Variants in ACAP2 observed in about 807,000 individuals in gnomAD.
The protein encoded by ACAP2 is arf-GAP with coiled-coil, ANK repeat and PH domain-containing protein 2.
ACAP2 carries 39 observed loss-of-function variants against 115.8 expected under a neutral mutation model. The ratio of observed to expected loss-of-function variants is 0.34; its 90% CI spans 0.26 to 0.44. The LOEUF is 0.44. Among genes scored for constraint, ACAP2 ranks in the 20% least tolerant of loss-of-function variants. ACAP2 has a pLI of 1.00. For missense variants in ACAP2, 662 were observed against 927.6 expected, an observed-to-expected ratio of 0.71 and a Z score of 3.72; for synonymous variants, 289 against 315.8, an observed-to-expected ratio of 0.92 and a Z score of 0.90.
chr3:195,401,723 G>GTA (rs1712317147), intron 1 of ACAP2, among the ~76,000 whole-genome samples: 1 of 152,132 alleles, frequency 6.6e-6, no homozygotes, highest in African/African-American at 2.4e-5. Flanking sequence ...AAAGCATTGA[G>GTA]TACATAAGCA....
intron 4 of ACAP2, among the ~76,000 whole-genome samples, chr3:195,366,152 C>A (rs1435513693): frequency 6.6e-6 from 1 of 152,116 alleles, no homozygotes; most frequent in Non-Finnish European, 1.5e-5. Context: ...GCCCTTCTAC[C>A]TGTACTAATT....
At chr3:195,321,912 G>T (rs754265156) in intron 9 of ACAP2, among the ~76,000 whole-genome samples, 3 of 151,998 alleles carry the variant, frequency 2.0e-5, no homozygotes, top group African/African-American at 7.2e-5. Context: ...TGAGCCCAGG[G>T]GTGGTAGTCC....
intron 8 of ACAP2, among the ~76,000 whole-genome samples, chr3:195,330,435 A>AT (rs1730092104): frequency 1.3e-5 from 2 of 152,330 alleles, no homozygotes; most frequent in South Asian, 4.1e-4. Context: ...AACTAAAATG[A>AT]TTAAATGTTT....
At position 195,385,235 on chromosome 3, in the gene ACAP2, A is replaced by G. The variant is rs1255507660; in HGVS notation, c.112-3213T>C. On this transcript the variant is annotated intron_variant, in intron 2 of 22. Transcript: ENST00000326793. ...TGAGACCAGCCTGGTCAACAACCCT[A>G]TCTCTGTATTCAAAAAAAAAAAAAA... Among the ~76,000 whole-genome samples the G allele has an allele frequency of 3.4e-5, 5 of 148,352 alleles. No homozygotes were observed. In the South Asian group the frequency reaches 1.1e-3, roughly 32 times the overall value.
At chr3:195,358,469 C>T (rs1732134461) in intron 4 of ACAP2, among the ~76,000 whole-genome samples, 1 of 151,964 alleles carries the variant, frequency 6.6e-6, no homozygotes, top group Admixed American at 6.6e-5. Context: ...TCTGAGGAAA[C>T]TCAAAGAAAT....
chr3:195,308,955 G>A, intron 10 of ACAP2, 118 bp from the exon 11 acceptor site: 2 of 955,412 alleles, frequency 2.1e-6, no homozygotes, highest in Non-Finnish European at 3.1e-6. Context: ...GTTTTGAGAA[G>A]TCCACTGTAT....
intron 4 of ACAP2, among the ~76,000 whole-genome samples, chr3:195,373,204 T>C (rs756593380): frequency 3.3e-5 from 5 of 151,792 alleles, no homozygotes; most frequent in Admixed American, 6.6e-5. Flanking sequence ...TGTGGGAGGA[T>C]TGCTTGAGCC....
intron 1 of ACAP2, among the ~76,000 whole-genome samples, chr3:195,397,142 T>C (rs773204453): frequency 6.6e-6 from 1 of 152,252 alleles, no homozygotes; most frequent in Non-Finnish European, 1.5e-5. Flanking sequence ...TTTTGTTTTA[T>C]ATAATACATG....
intron 18 of ACAP2, among the ~76,000 whole-genome samples, chr3:195,293,848 T>C (rs1288902085): frequency 1.3e-5 from 2 of 151,434 alleles, no homozygotes; most frequent in Admixed American, 6.6e-5. Flanking sequence ...AAAAATAAAA[T>C]GTAGGGCAGC....
chr3:195,294,971 C>T (rs1727547606), intron 17 of ACAP2, among the ~76,000 whole-genome samples, 160 bp from the exon 18 acceptor site: 1 of 152,106 alleles, frequency 6.6e-6, no homozygotes, highest in South Asian at 2.1e-4. Flanking sequence ...GAACACTTAG[C>T]TTATCGAGAT....
At chr3:195,359,807 G>C (rs565643987) in intron 4 of ACAP2, among the ~76,000 whole-genome samples, 1 of 152,206 alleles carries the variant, frequency 6.6e-6, no homozygotes, top group East Asian at 1.9e-4. Flanking sequence ...TTGTTGGCTT[G>C]TTTATGCAAT....
At chr3:195,317,932 C>T (rs938733224) in intron 10 of ACAP2, among the ~76,000 whole-genome samples, 1 of 152,140 alleles carries the variant, frequency 6.6e-6, no homozygotes, top group Admixed American at 6.5e-5. Context: ...TGTGTCACTA[C>T]CCAAATCTCA....
At chr3:195,369,095 A>C (rs1732941064) in intron 4 of ACAP2, among the ~76,000 whole-genome samples, 2 of 70,994 alleles carry the variant, frequency 2.8e-5, no homozygotes, top group Admixed American at 1.4e-4. Context: ...AAAAACAAAC[A>C]AAAAAAAAAA....
chr3:195,420,398 G>C (rs1019823975), intron 1 of ACAP2, among the ~76,000 whole-genome samples: 1 of 152,078 alleles, frequency 6.6e-6, no homozygotes, highest in Non-Finnish European at 1.5e-5. Context: ...TCCCAGGCTG[G>C]AGTGCAGTGG....
At chr3:195,425,449 AAGCCT>A in intron 1 of ACAP2, among the ~76,000 whole-genome samples, 1 of 152,244 alleles carries the variant, frequency 6.6e-6, no homozygotes, top group African/African-American at 2.4e-5. Flanking sequence ...TTGGTAGTAA[AAGCCT>A]GTTGCCTATC....
intron 4 of ACAP2, among the ~76,000 whole-genome samples, chr3:195,368,356 G>C (rs1417530748): frequency 6.6e-6 from 1 of 152,068 alleles, no homozygotes; most frequent in Non-Finnish European, 1.5e-5. Context: ...CACCATGTTG[G>C]CCAGACTGGT....
intron 6 of ACAP2, among the ~76,000 whole-genome samples, chr3:195,341,321 GTTT>G (rs377628235): frequency 2.8e-5 from 3 of 107,046 alleles, no homozygotes; most frequent in African/African-American, 7.3e-5. Context: ...TATTGTGTGG[GTTT>G]TTTTTTTTTT....
At chr3:195,413,569 C>T (rs943098555) in intron 1 of ACAP2, among the ~76,000 whole-genome samples, 4 of 151,818 alleles carry the variant, frequency 2.6e-5, no homozygotes, top group South Asian at 2.1e-4. Context: ...TCCAACATTG[C>T]GAAACCCTGT....
chr3:195,428,276 ACAGT>A (rs1277891904), intron 1 of ACAP2, among the ~76,000 whole-genome samples: 1 of 150,666 alleles, frequency 6.6e-6, no homozygotes, highest in African/African-American at 2.4e-5. Context: ...ATGTATATAT[ACAGT>A]CATACATAGG....
Sources: gnomAD v4.1 joint callset for allele counts (sites outside exome capture counted in the v4.1 genomes callset) on GRCh38, gnomAD v4.1.1 for gene constraint, MANE v1.5 for transcripts, NCBI Gene and HGNC (gene_info 2026-07-23, HGNC 2026-07-21) for gene names.